The following TMEM135 variants were observed in gnomAD, a reference collection of about 807,000 sequenced individuals.
TMEM135 encodes the protein peroxisomal membrane protein 52.
Under a neutral mutation model 60.3 loss-of-function variants are expected in TMEM135, and 30 were observed. That is an observed-to-expected ratio of 0.50 (90% CI 0.37 to 0.68). The LOEUF is 0.68. Among genes scored for constraint, TMEM135 ranks in the 30% least tolerant of loss-of-function variants. The probability of loss-of-function intolerance (pLI) is 0.00; values close to 1 mark genes in which losing one functional copy is unlikely to be tolerated. For missense variants in TMEM135, 468 were observed against 548.8 expected (o/e 0.85, Z 1.47); for synonymous variants, 190 against 186.7 (o/e 1.02, Z -0.14).
At chr11:87,256,648 T>G (rs1565143854) in intron 6 of TMEM135, among the ~76,000 whole-genome samples, 1 of 152,178 alleles carries the variant, frequency 6.6e-6, no homozygotes, top group Non-Finnish European at 1.5e-5. Context: ...AAGATTATAT[T>G]AAAGTGATTT....
intron 3 of TMEM135, among the ~76,000 whole-genome samples, chr11:87,090,008 C>G (rs957751235): frequency 2.0e-5 from 3 of 152,070 alleles, no homozygotes; most frequent in Non-Finnish European, 2.9e-5. Context: ...CATCCTATCA[C>G]CTTTACCAGT....
intron 5 of TMEM135, among the ~76,000 whole-genome samples, chr11:87,222,687 C>G (rs1940664722): frequency 6.6e-6 from 1 of 151,362 alleles, no homozygotes; most frequent in South Asian, 2.1e-4. Context: ...ACCTCTAGTC[C>G]CAGCTACTCG....
chr11:87,231,211 CAG>C lies in TMEM135; in HGVS notation c.463-5426_463-5425del, dbSNP rs575574546. ...ACCATGCTGGATAGAGTTCACAGAA[CAG>C]GGGACTAGAGAGGAAAGTACTCAGC... On this transcript the variant is annotated intron_variant, in intron 5 of 14. Transcript: ENST00000305494. Among the ~76,000 whole-genome samples, 134 of 152,182 alleles carry C rather than the reference CAG, an allele frequency of 8.8e-4. 1 individual carries two copies. The highest frequency in any genetic ancestry group is 2.7e-3 in the Admixed American group (41 of 15,260).
chr11:87,081,141 T>G (rs760352383), intron 3 of TMEM135, among the ~76,000 whole-genome samples: 5 of 152,084 alleles, frequency 3.3e-5, no homozygotes, highest in Non-Finnish European at 7.4e-5. Context: ...TTTTTTTATA[T>G]CTATTCTGCT....
At chr11:87,150,901 T>C (rs1938541350) in intron 4 of TMEM135, among the ~76,000 whole-genome samples, 1 of 152,192 alleles carries the variant, frequency 6.6e-6, no homozygotes, top group Non-Finnish European at 1.5e-5. Flanking sequence ...TAGGTAGATA[T>C]TTTTAGATCT....
At position 87,321,336 on chromosome 11, in the gene TMEM135, A is replaced by T; in HGVS notation, c.*3A>T. On this transcript the variant is annotated 3_prime_UTR_variant, in exon 15 of 15. Coordinates refer to ENST00000305494, the MANE Select transcript of TMEM135 (RefSeq NM_022918.4). ...AGTTGCCCACAGAGTTTTCCTGAAG[A>T]TGACTGTAACTTATTAATGTGACTA... 6.2e-7 allele frequency: 1 copy of T among 1,613,566 alleles called. No individual in the cohort carries two copies. The highest frequency in any genetic ancestry group is 1.3e-5 in the African/African-American group (1 of 75,024).
chr11:87,259,146 C>T, intron 6 of TMEM135: 2 of 673,836 alleles, frequency 3.0e-6, no homozygotes, highest in Non-Finnish European at 5.4e-6. Context: ...TCTCTCCGAC[C>T]AGGTCTCATC....
chr11:87,101,359 T>C (rs1857452737), intron 4 of TMEM135, among the ~76,000 whole-genome samples: 1 of 152,200 alleles, frequency 6.6e-6, no homozygotes, highest in Non-Finnish European at 1.5e-5. Flanking sequence ...GTTGTGACAA[T>C]AACTAAGTTT....
At chr11:87,144,055 G>C (rs1347562362) in intron 4 of TMEM135, among the ~76,000 whole-genome samples, 1 of 151,980 alleles carries the variant, frequency 6.6e-6, no homozygotes, top group Non-Finnish European at 1.5e-5. Context: ...ACCATTATTA[G>C]ATGTTCCTGA....
chr11:87,130,396 C>G (rs1937890868), intron 4 of TMEM135, among the ~76,000 whole-genome samples: 1 of 152,152 alleles, frequency 6.6e-6, no homozygotes, highest in Non-Finnish European at 1.5e-5. Flanking sequence ...GATGAACAAA[C>G]TGGAAGTTAG....
chr11:87,072,263 A>T (rs1856785878), intron 3 of TMEM135, among the ~76,000 whole-genome samples: 1 of 152,158 alleles, frequency 6.6e-6, no homozygotes, highest in African/African-American at 2.4e-5. Flanking sequence ...AGCATTTCAC[A>T]CTTAAGAAAA....
At chr11:87,305,730 C>T (rs1031608263) in intron 8 of TMEM135, among the ~76,000 whole-genome samples, 1 of 151,832 alleles carries the variant, frequency 6.6e-6, no homozygotes. Context: ...GTTGAGATCA[C>T]GCCCATTGTA....
chr11:87,155,911 A>G (rs184167741), intron 4 of TMEM135, among the ~76,000 whole-genome samples: 3 of 152,292 alleles, frequency 2.0e-5, no homozygotes, highest in African/African-American at 7.2e-5. Context: ...ATGTCTTACA[A>G]CCTTAGTGTC....
intron 1 of TMEM135, among the ~76,000 whole-genome samples, chr11:87,059,546 C>T (rs1404774214): frequency 6.6e-6 from 1 of 151,904 alleles, no homozygotes; most frequent in African/African-American, 2.4e-5. Context: ...GAACTCCTGA[C>T]CTGTAGTGAT....
At chr11:87,050,488 C>T (rs1439819676) in intron 1 of TMEM135, among the ~76,000 whole-genome samples, 1 of 65,442 alleles carries the variant, frequency 1.5e-5, no homozygotes, top group African/African-American at 1.1e-4. Flanking sequence ...GGGATATCAC[C>T]ACCGATCCCA....
intron 1 of TMEM135, among the ~76,000 whole-genome samples, chr11:87,044,927 G>A (rs909317540): frequency 6.6e-6 from 1 of 151,994 alleles, no homozygotes; most frequent in Non-Finnish European, 1.5e-5. Context: ...GATTACAGGC[G>A]TAAGCCACCA....
At chr11:87,255,320 C>G (rs1941504348) in intron 6 of TMEM135, among the ~76,000 whole-genome samples, 1 of 152,210 alleles carries the variant, frequency 6.6e-6, no homozygotes, top group Admixed American at 6.5e-5. Flanking sequence ...TTACTCTGAA[C>G]TAGTTGTTAG....
At chr11:87,088,493 A>G (rs933642213) in intron 3 of TMEM135, among the ~76,000 whole-genome samples, 1 of 151,908 alleles carries the variant, frequency 6.6e-6, no homozygotes, top group Non-Finnish European at 1.5e-5. Context: ...ACCTTACTCA[A>G]TTGTTGAAAA....
rs548932411 is a variant in TMEM135 at position 87,045,206 on chromosome 11, A to G, written c.141+7020A>G. 1.2e-3 allele frequency among the ~76,000 whole-genome samples: 176 copies of G among 149,776 alleles called. 1 individual carries two copies. Among genetic ancestry groups the G allele is most frequent in the African/African-American group, 4.0e-3 (164 of 40,614 alleles). On this transcript the variant is annotated intron_variant, in intron 1 of 14. Transcript: ENST00000305494. The stretch of plus-strand genomic sequence containing the variant: ...CACCACGCCCAGCTAATTTTTTTGT[A>G]TTTTTAGTAGAGACGGGGTTTCACT...
Sources: gnomAD v4.1 joint callset for allele counts (sites outside exome capture counted in the v4.1 genomes callset) on GRCh38, gnomAD v4.1.1 for gene constraint, MANE v1.5 for transcripts, NCBI Gene and HGNC (gene_info 2026-07-23, HGNC 2026-07-21) for gene names.